PRTFDC1: variants seen among roughly 807,000 people sequenced by gnomAD.
PRTFDC1 encodes phosphoribosyl transferase domain containing 1, also known as phosphoribosyltransferase domain-containing protein 1.
Under a neutral mutation model 34.6 loss-of-function variants are expected in PRTFDC1, and 38 were observed. The ratio of observed to expected loss-of-function variants is 1.10; its 90% CI spans 0.85 to 1.44. PRTFDC1 has a LOEUF of 1.44. PRTFDC1 is among the 40% of genes most tolerant of loss of function. PRTFDC1 has a pLI of 0.00. For missense variants in PRTFDC1, 270 were observed against 283.0 expected (o/e 0.95, Z 0.33); for synonymous variants, 93 against 98.1 (o/e 0.95, Z 0.31).
At chr10:24,894,403 T>C (rs930933445) in intron 3 of PRTFDC1, among the ~76,000 whole-genome samples, 1 of 151,820 alleles carries the variant, frequency 6.6e-6, no homozygotes, top group African/African-American at 2.4e-5. Context: ...TGGGAAGTGC[T>C]GCATGAGCTG....
Position 24,870,839 on chromosome 10 carries a change from A to G in PRTFDC1, c.405+1159T>C, listed in dbSNP as rs570711278. ...CTTGTGGCTCCACTTTGGGCAGCCG[A>G]AACAGGTGGATCACTTGAGGTCAGG... On this transcript the variant is annotated intron_variant, in intron 4 of 8. Transcript: ENST00000320152. Among the ~76,000 whole-genome samples the G allele has an allele frequency of 4.6e-5, 7 of 152,234 alleles. 1 individual carries two copies. In the South Asian group the frequency reaches 1.5e-3, roughly 32 times the overall value.
At chr10:24,851,578 G>A (rs1847490560) in intron 7 of PRTFDC1, 114 bp from the exon 8 acceptor site, 1 of 1,455,966 alleles carries the variant, frequency 6.9e-7, no homozygotes, top group Non-Finnish European at 9.1e-7. Context: ...ATTGAGGCAG[G>A]AGGGAGTGAG....
At chr10:24,939,067 G>A (rs530343973) in intron 2 of PRTFDC1, among the ~76,000 whole-genome samples, 24 of 152,222 alleles carry the variant, frequency 1.6e-4, no homozygotes, top group African/African-American at 5.3e-4. Context: ...GTCACACAGT[G>A]AGGTGGGCAG....
chr10:24,864,886 C>T (rs1847748958), intron 4 of PRTFDC1, among the ~76,000 whole-genome samples: 1 of 152,108 alleles, frequency 6.6e-6, no homozygotes, highest in Non-Finnish European at 1.5e-5. Flanking sequence ...GAAGCCAAGA[C>T]AGGCAGATTG....
intron 2 of PRTFDC1, among the ~76,000 whole-genome samples, chr10:24,937,795 T>C (rs961337769): frequency 6.6e-6 from 1 of 151,710 alleles, no homozygotes; most frequent in African/African-American, 2.4e-5. Context: ...TGACTTCAGG[T>C]GACCTGGCCA....
chr10:24,937,803 C>T (rs551502233), intron 2 of PRTFDC1, among the ~76,000 whole-genome samples: 2 of 151,950 alleles, frequency 1.3e-5, no homozygotes, highest in South Asian at 2.1e-4. Flanking sequence ...GGTGACCTGG[C>T]CACCTTGGCT....
At chr10:24,941,636 AAAG>A (rs1474067812) in intron 2 of PRTFDC1, among the ~76,000 whole-genome samples, 2 of 152,198 alleles carry the variant, frequency 1.3e-5, no homozygotes, top group African/African-American at 4.8e-5. Flanking sequence ...TCTCTTGTAC[AAAG>A]AAAAGGCTTA....
chr10:24,873,776 T>C (rs982184956), intron 3 of PRTFDC1, among the ~76,000 whole-genome samples: 5 of 152,076 alleles, frequency 3.3e-5, no homozygotes, highest in Admixed American at 2.6e-4. Flanking sequence ...AGTTACTTTG[T>C]TATGGAGTTG....
At chr10:24,934,377 C>A (rs1849017838) in intron 3 of PRTFDC1, among the ~76,000 whole-genome samples, 1 of 152,150 alleles carries the variant, frequency 6.6e-6, no homozygotes, top group Non-Finnish European at 1.5e-5. Flanking sequence ...CAAGGGCATT[C>A]CAAAGTTAAC....
intron 3 of PRTFDC1, among the ~76,000 whole-genome samples, chr10:24,918,475 G>A (rs954058801): frequency 1.7e-4 from 26 of 152,166 alleles, no homozygotes; most frequent in African/African-American, 2.4e-4. Context: ...CTACAGTACA[G>A]TAAGGATTAT....
At chr10:24,916,168 C>T (rs533451970) in intron 3 of PRTFDC1, among the ~76,000 whole-genome samples, 3 of 152,286 alleles carry the variant, frequency 2.0e-5, no homozygotes, top group South Asian at 2.1e-4. Flanking sequence ...TGGGTGATGG[C>T]TTTGTCTTTA....
chr10:24,898,463 C>CAAAAAA (rs36004025), intron 3 of PRTFDC1, among the ~76,000 whole-genome samples: 1 of 98,120 alleles, frequency 1.0e-5, no homozygotes, highest in Non-Finnish European at 2.0e-5. Flanking sequence ...GACCCTGTCT[C>CAAAAAA]AAAAAAAAAA....
chr10:24,892,355 C>T (rs1245683893), intron 3 of PRTFDC1, among the ~76,000 whole-genome samples: 1 of 152,012 alleles, frequency 6.6e-6, no homozygotes, highest in African/African-American at 2.4e-5. Context: ...GCTACATTCC[C>T]AAAAACAGTG....
chr10:24,947,182 T>C (rs1254549281), intron 1 of PRTFDC1, among the ~76,000 whole-genome samples: 1 of 152,200 alleles, frequency 6.6e-6, no homozygotes, highest in Admixed American at 6.5e-5. Flanking sequence ...AATATATTTC[T>C]CTAAAACTGT....
At chr10:24,908,205 C>T (rs2148271) in intron 3 of PRTFDC1, 193,945 of 303,894 alleles carry the variant, frequency 0.64, 63,302 homozygotes, top group African/African-American at 0.79. Flanking sequence ...ATCCCCACCA[C>T]TGCAGCAGAT....
At chr10:24,948,677 A>G (rs1259370760) in intron 1 of PRTFDC1, among the ~76,000 whole-genome samples, 2 of 151,970 alleles carry the variant, frequency 1.3e-5, no homozygotes, top group Non-Finnish European at 2.9e-5. Context: ...ATTTCTACCA[A>G]CTCGGAATTT....
intron 3 of PRTFDC1, among the ~76,000 whole-genome samples, chr10:24,934,338 G>A (rs1216711170): frequency 6.6e-6 from 1 of 152,132 alleles, no homozygotes; most frequent in Non-Finnish European, 1.5e-5. Flanking sequence ...AAGCCCCCCA[G>A]CTGTGGGGAA....
intron 7 of PRTFDC1, among the ~76,000 whole-genome samples, chr10:24,855,091 T>C (rs543696265): frequency 6.6e-6 from 1 of 152,318 alleles, no homozygotes; most frequent in East Asian, 1.9e-4. Context: ...ACAGAGTTCC[T>C]GTGAAAGATG....
chr10:24,944,523 C>T (rs910916807), intron 1 of PRTFDC1, among the ~76,000 whole-genome samples: 1 of 152,130 alleles, frequency 6.6e-6, no homozygotes, highest in African/African-American at 2.4e-5. Context: ...GTGGCTCATG[C>T]CTGTAATCCC....
Sources: gnomAD v4.1 joint callset for allele counts (sites outside exome capture counted in the v4.1 genomes callset) on GRCh38, gnomAD v4.1.1 for gene constraint, MANE v1.5 for transcripts, NCBI Gene and HGNC (gene_info 2026-07-23, HGNC 2026-07-21) for gene names.